PBX1: variants seen among roughly 807,000 people sequenced by gnomAD.
The protein encoded by PBX1 is pre-B-cell leukemia transcription factor 1.
PBX1 carries 6 observed loss-of-function variants against 53.4 expected under a neutral mutation model. The ratio of observed to expected loss-of-function variants is 0.11; its 90% confidence interval spans 0.06 to 0.22. The LOEUF is 0.22. PBX1 is among the 10% of genes least tolerant of loss of function. The probability of loss-of-function intolerance (pLI) is 1.00; values close to 1 mark genes in which losing one functional copy is unlikely to be tolerated. For missense variants in PBX1, 251 were observed against 551.4 expected, an observed-to-expected ratio of 0.46 and a Z score of 5.46; for synonymous variants, 204 against 212.3, an observed-to-expected ratio of 0.96 and a Z score of 0.34.
intron 2 of PBX1, among the ~76,000 whole-genome samples, chr1:164,663,856 G>A (rs1660655843): frequency 1.3e-5 from 2 of 152,238 alleles, no homozygotes; most frequent in Admixed American, 1.3e-4. Flanking sequence ...TGGTGTTTAA[G>A]TTAATAACTC....
intron 2 of PBX1, among the ~76,000 whole-genome samples, chr1:164,585,170 C>G (rs1400931801): frequency 6.6e-6 from 1 of 152,148 alleles, no homozygotes; most frequent in Non-Finnish European, 1.5e-5. Context: ...TTCCCCAACC[C>G]CTTCCAATGT....
intron 2 of PBX1, among the ~76,000 whole-genome samples, chr1:164,774,110 TG>T (rs1170176357): frequency 2.0e-5 from 3 of 152,176 alleles, no homozygotes; most frequent in Non-Finnish European, 2.9e-5. Context: ...TTTTACATAG[TG>T]GGGTGCTATG....
At chr1:164,823,556 C>T (rs560440593) in intron 8 of PBX1, among the ~76,000 whole-genome samples, 19 of 126,572 alleles carry the variant, frequency 1.5e-4, no homozygotes, top group Middle Eastern at 5.2e-3. Flanking sequence ...TGTTATTTGG[C>T]GTCTTTCTTT....
intron 8 of PBX1, among the ~76,000 whole-genome samples, chr1:164,836,682 A>G (rs911363734): frequency 4.6e-5 from 7 of 152,224 alleles, no homozygotes; most frequent in African/African-American, 1.7e-4. Context: ...CCTGCTTCCC[A>G]CTATATCTCC....
chr1:164,635,686 C>G (rs1658724706), intron 2 of PBX1, among the ~76,000 whole-genome samples: 1 of 152,232 alleles, frequency 6.6e-6, no homozygotes, highest in Admixed American at 6.5e-5. Context: ...ACTCAGCTAT[C>G]AGGGTACATT....
chr1:164,845,025 G>A (rs910298016), intron 8 of PBX1, among the ~76,000 whole-genome samples: 20 of 152,098 alleles, frequency 1.3e-4, no homozygotes, highest in African/African-American at 4.1e-4. Context: ...ATTGGGGAGC[G>A]GTGTTCTTGG....
intron 2 of PBX1, among the ~76,000 whole-genome samples, chr1:164,650,263 C>G (rs755220186): frequency 6.8e-6 from 1 of 146,672 alleles, no homozygotes; most frequent in Non-Finnish European, 1.5e-5. Context: ...GAGTCTTGCT[C>G]TTTTGCCCAG....
intron 2 of PBX1, among the ~76,000 whole-genome samples, chr1:164,567,959 G>C (rs1395674106): frequency 3.3e-5 from 5 of 152,104 alleles, no homozygotes; most frequent in Non-Finnish European, 5.9e-5. Context: ...GGTGTGGGTG[G>C]GTTCTGTACA....
At chr1:164,749,322 T>G (rs1666071435) in intron 2 of PBX1, among the ~76,000 whole-genome samples, 1 of 152,208 alleles carries the variant, frequency 6.6e-6, no homozygotes, top group South Asian at 2.1e-4. Context: ...CTTTATTACT[T>G]TTTATAATTA....
intron 2 of PBX1, among the ~76,000 whole-genome samples, chr1:164,685,214 T>G (rs1332878833): frequency 6.6e-6 from 1 of 152,234 alleles, no homozygotes; most frequent in African/African-American, 2.4e-5. Context: ...AGTGTTTTAT[T>G]CACACCTTGC....
chr1:164,795,082 A>G (rs1450627265), intron 3 of PBX1, among the ~76,000 whole-genome samples: 3 of 151,996 alleles, frequency 2.0e-5, no homozygotes, highest in Non-Finnish European at 4.4e-5. Flanking sequence ...TGCGGCTGAC[A>G]TAACGGCACT....
chr1:164,727,603 AT>A (rs942215904), intron 2 of PBX1, among the ~76,000 whole-genome samples: 1 of 152,166 alleles, frequency 6.6e-6, no homozygotes, highest in African/African-American at 2.4e-5. Flanking sequence ...TCTTGAGTTG[AT>A]TTGGGGCAAA....
At chr1:164,755,708 T>A (rs2102207373) in intron 2 of PBX1, among the ~76,000 whole-genome samples, 1 of 152,192 alleles carries the variant, frequency 6.6e-6, no homozygotes, top group Middle Eastern at 3.4e-3. Context: ...CAGAGTGTGA[T>A]GTGGCACTTT....
At chr1:164,579,304 A>G (rs1654458340) in intron 2 of PBX1, among the ~76,000 whole-genome samples, 1 of 151,132 alleles carries the variant, frequency 6.6e-6, no homozygotes, top group Non-Finnish European at 1.5e-5. Flanking sequence ...TTTTTAACAA[A>G]TTAAATTTTC....
At chr1:164,685,670 A>T (rs1203993179) in intron 2 of PBX1, among the ~76,000 whole-genome samples, 1 of 152,344 alleles carries the variant, frequency 6.6e-6, no homozygotes, top group Non-Finnish European at 1.5e-5. Flanking sequence ...CATTTTTACA[A>T]TTATTACAGC....
At chr1:164,693,614 C>T (rs1238311485) in intron 2 of PBX1, among the ~76,000 whole-genome samples, 1 of 152,154 alleles carries the variant, frequency 6.6e-6, no homozygotes, top group African/African-American at 2.4e-5. Flanking sequence ...CTTGGCAGAG[C>T]AGAGGTAGCA....
chr1:164,678,384 A>G (rs1366693690), intron 2 of PBX1, among the ~76,000 whole-genome samples: 2 of 152,196 alleles, frequency 1.3e-5, no homozygotes, highest in East Asian at 1.9e-4. Flanking sequence ...CTGTGTCTCT[A>G]TAATTTATGA....
intron 2 of PBX1, chr1:164,787,532 G>A (rs773257672): frequency 1.3e-5 from 2 of 152,280 alleles, no homozygotes; most frequent in Non-Finnish European, 2.9e-5. Flanking sequence ...CCGGACCCAC[G>A]TCACTCAGCC....
intron 6 of PBX1, 98 bp from the exon 7 acceptor site, chr1:164,819,974 G>A (rs1191982981): frequency 1.4e-6 from 1 of 689,788 alleles, no homozygotes; most frequent in Non-Finnish European, 2.6e-6. Context: ...TTATTTGGGG[G>A]GGGTTGCTTT....
Sources: gnomAD v4.1 joint callset for allele counts (sites outside exome capture counted in the v4.1 genomes callset) on GRCh38, gnomAD v4.1.1 for gene constraint, MANE v1.5 for transcripts, NCBI Gene and HGNC (gene_info 2026-07-23, HGNC 2026-07-21) for gene names.